Variants in MAF observed in about 807,000 individuals in gnomAD.
MAF encodes MAF bZIP transcription factor.
A neutral mutation model predicts 22.0 loss-of-function variants in MAF; 10 were observed. The observed-to-expected ratio is 0.45, with a 90% CI of 0.28 to 0.77. The LOEUF (loss-of-function observed/expected upper bound fraction) is 0.77, where lower values mean the gene tolerates loss of function less well. Among genes scored for constraint, MAF ranks in the 30% least tolerant of loss-of-function variants. The pLI is 0.12. For missense variants in MAF, 544 were observed against 548.4 expected (o/e 0.99, Z 0.08); for synonymous variants, 337 against 255.8 (o/e 1.32, Z -3.03).
the MAF span, among the ~76,000 whole-genome samples, chr16:79,265,962 G>T: frequency 6.6e-6 from 1 of 152,168 alleles, no homozygotes; most frequent in Non-Finnish European, 1.5e-5. Flanking sequence ...TGAACACAGG[G>T]AGAATTCAAC....
chr16:79,565,506 TG>T, the MAF span, among the ~76,000 whole-genome samples: 15,334 of 149,016 alleles, frequency 0.1, 839 homozygotes, highest in Non-Finnish European at 0.12. Flanking sequence ...TCACGTGTTG[TG>T]GGGGGGGGGA....
chr16:79,543,676 CTT>C, the MAF span, among the ~76,000 whole-genome samples: 96 of 137,280 alleles, frequency 7.0e-4, no homozygotes, highest in African/African-American at 2.5e-3. Flanking sequence ...TTTTCTTTTT[CTT>C]TTTTTTTTTT....
chr16:79,408,095 A>AAAAAAAAAAAAC, the MAF span, among the ~76,000 whole-genome samples: 2 of 146,902 alleles, frequency 1.4e-5, no homozygotes. Flanking sequence ...AAAAAAAAAA[A>AAAAAAAAAAAAC]AAAAACCTAA....
At chr16:79,541,797 A>T in the MAF span, among the ~76,000 whole-genome samples, 3 of 151,802 alleles carry the variant, frequency 2.0e-5, no homozygotes, top group Non-Finnish European at 4.4e-5. Flanking sequence ...CTGGGATTAA[A>T]GGCAGGCACC....
At chr16:79,475,942 G>A in the MAF span, among the ~76,000 whole-genome samples, 1 of 152,122 alleles carries the variant, frequency 6.6e-6, no homozygotes, top group East Asian at 1.9e-4. Flanking sequence ...CTGTGATTAT[G>A]TTACATTAGA....
chr16:79,292,401 G>A, the MAF span, among the ~76,000 whole-genome samples: 417 of 152,276 alleles, frequency 2.7e-3, 2 homozygotes, highest in African/African-American at 9.3e-3. Context: ...ATTCTTTTCC[G>A]AGAGCCTGAA....
At chr16:79,560,720 C>T in the MAF span, among the ~76,000 whole-genome samples, 1 of 152,102 alleles carries the variant, frequency 6.6e-6, no homozygotes, top group Non-Finnish European at 1.5e-5. Context: ...GCCTAGAAGT[C>T]ACTGGAAATT....
At chr16:79,470,498 C>T in the MAF span, among the ~76,000 whole-genome samples, 2,311 of 152,306 alleles carry the variant, frequency 0.015, 53 homozygotes, top group African/African-American at 0.053. Flanking sequence ...ACCACAAGTT[C>T]CTGGAGGGCA....
chr16:79,504,097 T>C, the MAF span, among the ~76,000 whole-genome samples: 5,871 of 152,286 alleles, frequency 0.039, 367 homozygotes, highest in African/African-American at 0.13. Context: ...GAGGGTGTTA[T>C]CTAAAATTAA....
At chr16:79,446,953 G>A in the MAF span, among the ~76,000 whole-genome samples, 1 of 151,948 alleles carries the variant, frequency 6.6e-6, no homozygotes, top group Non-Finnish European at 1.5e-5. Context: ...AAAAACAGAA[G>A]AAAAAGTAAA....
At chr16:79,549,308 A>G in the MAF span, among the ~76,000 whole-genome samples, 8 of 152,174 alleles carry the variant, frequency 5.3e-5, no homozygotes, top group African/African-American at 1.9e-4. Flanking sequence ...GCTATGAAGA[A>G]TGCCTTGTTT....
the MAF span, among the ~76,000 whole-genome samples, chr16:79,233,315 A>G: frequency 6.6e-6 from 1 of 151,988 alleles, no homozygotes; most frequent in African/African-American, 2.4e-5. Flanking sequence ...AGAGATGAAA[A>G]TGTGCTATGT....
the MAF span, among the ~76,000 whole-genome samples, chr16:79,518,039 A>G: frequency 1.8e-4 from 27 of 152,330 alleles, no homozygotes; most frequent in Admixed American, 9.2e-4. Flanking sequence ...ATATATGAAA[A>G]TGGATTAGCA....
chr16:79,439,410 C>T, the MAF span, among the ~76,000 whole-genome samples: 122 of 151,684 alleles, frequency 8.0e-4, no homozygotes, highest in African/African-American at 2.7e-3. Context: ...CACAGGCGCC[C>T]GTCACCATGC....
chr16:79,599,175 C>T lies in MAF; in HGVS notation c.728G>A (p.Gly243Glu). Reference sequence around the variant, plus strand: ...GGCGTGGTGCGGGTGCAGGGCGCCCCCCGCCCCCGCCGCGCCCCCGCCGCC... The same window carrying T: ...GGCGTGGTGCGGGTGCAGGGCGCCCTCCGCCCCCGCCGCGCCCCCGCCGCC... The part of the protein sequence containing the change: ...GGGGGGAAGA[G>E]GALHPHHAAG... Residue 243 changes from glycine (G) to glutamate (E), a missense_variant, in exon 1 of 2, where the codon GGG becomes GAG. Around this residue, in one of 5 missense-constraint regions of MAF, gnomAD observed 342 missense variants for 315.5 expected, o/e 1.08. Transcript: ENST00000326043. The T allele has an allele frequency of 8.3e-7, 1 of 1,199,642 alleles. No homozygotes were observed. The highest frequency in any genetic ancestry group is 4.2e-5 in the Admixed American group (1 of 24,014). The allele number at this position is 1,199,642 out of a possible 1,614,324, so 74.3% of individuals were successfully genotyped here. A position where few individuals can be genotyped will look rare whatever the true frequency, so the allele number is the denominator to read the frequency against.
At chr16:79,314,168 A>G in the MAF span, among the ~76,000 whole-genome samples, 1 of 152,178 alleles carries the variant, frequency 6.6e-6, no homozygotes, top group African/African-American at 2.4e-5. Flanking sequence ...TGTTATTAAT[A>G]AATCCATGGC....
At chr16:79,569,473 G>A in the MAF span, among the ~76,000 whole-genome samples, 1 of 152,178 alleles carries the variant, frequency 6.6e-6, no homozygotes, top group African/African-American at 2.4e-5. Context: ...AGTTACTGAA[G>A]GCAGAGGTTC....
chr16:79,479,331 C>T, the MAF span, among the ~76,000 whole-genome samples: 2 of 152,178 alleles, frequency 1.3e-5, no homozygotes, highest in Non-Finnish European at 2.9e-5. Context: ...AGCAGTGTAC[C>T]ATCCCCATGT....
the MAF span, among the ~76,000 whole-genome samples, chr16:79,229,934 G>A: frequency 6.6e-6 from 1 of 151,858 alleles, no homozygotes; most frequent in African/African-American, 2.4e-5. Flanking sequence ...TGCATGCAAT[G>A]TTAAACACAC....
Sources: gnomAD v4.1 joint callset for allele counts (sites outside exome capture counted in the v4.1 genomes callset) on GRCh38, gnomAD v4.1.1 for gene constraint, gnomAD v4.1.1 regional missense constraint, MANE v1.5 for transcripts, NCBI Gene and HGNC (gene_info 2026-07-23, HGNC 2026-07-21) for gene names.